DNAJC5: variants seen among roughly 807,000 people sequenced by gnomAD.
The protein encoded by DNAJC5 is DnaJ heat shock protein family (Hsp40) member C5, also known as dnaJ homolog subfamily C member 5.
A neutral mutation model predicts 23.2 loss-of-function variants in DNAJC5; 1 was observed. That is an observed-to-expected ratio of 0.04 (90% CI 0.02 to 0.20). The LOEUF (loss-of-function observed/expected upper bound fraction) is 0.20, where lower values mean the gene tolerates loss of function less well. DNAJC5 is among the 10% of genes least tolerant of loss of function. The pLI, the probability that DNAJC5 is intolerant of heterozygous loss-of-function variation, is 1.00. For missense variants in DNAJC5, 180 were observed against 267.0 expected (o/e 0.67, Z 2.27); for synonymous variants, 136 against 120.0 (o/e 1.13, Z -0.87).
At position 63,920,432 on chromosome 20, in the gene DNAJC5, GC is replaced by G. The variant is rs35455233; in HGVS notation, c.-11-7901del. On this transcript the variant is annotated intron_variant, in intron 1 of 4. Transcript: ENST00000360864. This position sits in a 1 kb window ranked among gnomAD's most constrained non-coding sequence, Gnocchi z 4.6. Reference sequence around the variant, plus strand: ...CCGCCAACGTCTGGTGGGGATGCCCGCCATGCGGGGGCCTCAGGCTACAGCC... The same window carrying G: ...CCGCCAACGTCTGGTGGGGATGCCCGCATGCGGGGGCCTCAGGCTACAGCC... 0.29 allele frequency among the ~76,000 whole-genome samples: 43,929 copies of G among 152,096 alleles called. 7,853 individuals are homozygous for G. The highest frequency in any genetic ancestry group is 0.58 in the East Asian group (2,975 of 5,142).
chr20:63,898,646 A>G (rs2053389603), intron 1 of DNAJC5, among the ~76,000 whole-genome samples: 1 of 152,148 alleles, frequency 6.6e-6, no homozygotes, highest in Non-Finnish European at 1.5e-5. Flanking sequence ...GATCGAGACC[A>G]TCCTGGCCAA....
chr20:63,901,421 A>G (rs140772383), intron 1 of DNAJC5, among the ~76,000 whole-genome samples: 3 of 152,032 alleles, frequency 2.0e-5, no homozygotes, highest in Non-Finnish European at 4.4e-5. Flanking sequence ...CTGTGCCTCT[A>G]TTTTTTCACC....
rs11554629 is a variant in DNAJC5 at position 63,932,674 on chromosome 20, T to G, written c.*1106T>G. ...ATCGATGATTCAGGCAGAGCCAGAT[T>G]CGTTAGGTCCCTGGAGGAAGGACTG... On this transcript the variant is annotated 3_prime_UTR_variant, in exon 5 of 5. Coordinates refer to ENST00000360864, the MANE Select transcript of DNAJC5 (RefSeq NM_025219.3). This position sits in a 1 kb window ranked among gnomAD's most constrained non-coding sequence, Gnocchi z 4.4. The G allele has an allele frequency of 0.083, 12,632 of 152,392 alleles. 564 individuals are homozygous for G. The highest frequency in any genetic ancestry group is 0.13 in the East Asian group (698 of 5,266). 9.4% of individuals were successfully genotyped at this position (152,392 alleles called of 1,614,324 possible).
At chr20:63,927,873 T>G (rs969688941) in intron 1 of DNAJC5, among the ~76,000 whole-genome samples, 4 of 152,254 alleles carry the variant, frequency 2.6e-5, no homozygotes, top group Non-Finnish European at 5.9e-5. Flanking sequence ...AGCTTATACC[T>G]CTTTGCATTT....
intron 1 of DNAJC5, among the ~76,000 whole-genome samples, chr20:63,912,032 C>G (rs1204886129): frequency 6.6e-6 from 1 of 152,042 alleles, no homozygotes; most frequent in Non-Finnish European, 1.5e-5. Context: ...GCCTAGCACA[C>G]TGGCTCATAT....
intron 1 of DNAJC5, chr20:63,908,991 G>C (rs2053464558): frequency 6.6e-6 from 1 of 151,922 alleles, no homozygotes; most frequent in African/African-American, 2.4e-5. Flanking sequence ...TGATCGCGAA[G>C]GTGGTTTTCC....
chr20:63,929,542 T>C lies in DNAJC5; in HGVS notation c.321+17T>C, dbSNP rs1187447472. The C allele has an allele frequency of 6.2e-7, 1 of 1,612,132 alleles. No homozygotes were observed. The highest frequency in any genetic ancestry group is 2.2e-5 in the East Asian group (1 of 44,822). The stretch of plus-strand genomic sequence containing the variant: ...TGGGCCAAGGTGAGGGCGAGCTGCC[T>C]GCCGTGCGGGCACCCGAGTCACTCC... On this transcript the variant is annotated intron_variant, in intron 3 of 4. Coordinates refer to ENST00000360864, the MANE Select transcript of DNAJC5 (RefSeq NM_025219.3). This position sits in a 1 kb window ranked among gnomAD's most constrained non-coding sequence, Gnocchi z 8.6.
chr20:63,918,208 G>A (rs541155552), intron 1 of DNAJC5, among the ~76,000 whole-genome samples: 1 of 152,110 alleles, frequency 6.6e-6, no homozygotes, highest in African/African-American at 2.4e-5. Context: ...CGAATCTTAG[G>A]AACGTAGGCG....
At chr20:63,901,540 G>C (rs146013469) in intron 1 of DNAJC5, among the ~76,000 whole-genome samples, 1 of 152,336 alleles carries the variant, frequency 6.6e-6, no homozygotes, top group Non-Finnish European at 1.5e-5. Context: ...GGCTGCGTCC[G>C]CGCGCTCCAC....
chr20:63,905,725 C>G (rs1026774453), intron 1 of DNAJC5, among the ~76,000 whole-genome samples: 10 of 146,070 alleles, frequency 6.8e-5, no homozygotes, highest in Admixed American at 2.1e-4. Context: ...GCGTGCCACC[C>G]TGCCCAGCTA....
intron 1 of DNAJC5, among the ~76,000 whole-genome samples, chr20:63,909,468 A>ACTG (rs1366909709): frequency 1.3e-5 from 2 of 152,204 alleles, no homozygotes; most frequent in Non-Finnish European, 2.9e-5. Context: ...GCGCCACTGC[A>ACTG]CTGCAGCCTG....
rs772397861 is a variant in DNAJC5, at chr20:63,929,465, C to A, written c.261C>A (p.Ala87=). The A allele has an allele frequency of 6.2e-7, 1 of 1,614,126 alleles. No homozygotes were observed. The highest frequency in any genetic ancestry group is 8.5e-7 in the Non-Finnish European group (1 of 1,180,026). Residue 87 remains alanine, a synonymous_variant, in exon 3 of 5, where the codon GCC becomes GCA. Coordinates refer to ENST00000360864, the MANE Select transcript of DNAJC5 (RefSeq NM_025219.3). This position sits in a 1 kb window ranked among gnomAD's most constrained non-coding sequence, Gnocchi z 8.6. ...ACGGCTCGCTGGGTCTCTACGTGGC[C>A]GAGCAGTTTGGGGAAGAGAACGTGA... ...DKYGSLGLYV[A]EQFGEENVNT...
intron 1 of DNAJC5, among the ~76,000 whole-genome samples, chr20:63,927,323 G>A (rs953608568): frequency 6.6e-6 from 1 of 152,194 alleles, no homozygotes; most frequent in Non-Finnish European, 1.5e-5. Context: ...TCAGCCTGAG[G>A]TCGGGAATTC....
In DNAJC5 at chr20:63,918,898, T is replaced by C. The variant is rs946721613; in HGVS notation, c.-11-9437T>C. 1.1e-4 allele frequency among the ~76,000 whole-genome samples: 17 copies of C among 152,362 alleles called. No individual in the cohort carries two copies. The East Asian group carries it at 1.2e-3, about 10-fold the overall frequency. On this transcript the variant is annotated intron_variant, in intron 1 of 4. Coordinates refer to ENST00000360864, the MANE Select transcript of DNAJC5 (RefSeq NM_025219.3). Reference sequence around the variant, plus strand: ...CGTGAGCCACCACGCCCGGCTGATATGTTCCATATATTTCTTTCTGTATTT... The same window carrying C: ...CGTGAGCCACCACGCCCGGCTGATACGTTCCATATATTTCTTTCTGTATTT...
chr20:63,918,428 T>A (rs6011226), intron 1 of DNAJC5, among the ~76,000 whole-genome samples: 52,326 of 152,014 alleles, frequency 0.34, 10,746 homozygotes, highest in East Asian at 0.81. Flanking sequence ...TTAAAACTAA[T>A]TAGCGTTTAG....
At position 63,935,958 on chromosome 20, in the gene DNAJC5, C is replaced by T. The variant is rs368872154; in HGVS notation, c.*4390C>T. 5 of 152,146 alleles carry T rather than the reference C, an allele frequency of 3.3e-5. No individual in the cohort carries two copies. The highest frequency in any genetic ancestry group is 7.3e-5 in the Non-Finnish European group (5 of 68,034). 9.4% of individuals were successfully genotyped at this position (152,146 alleles called of 1,614,324 possible). A position where few individuals can be genotyped will look rare whatever the true frequency, so the allele number is the denominator to read the frequency against. ...CAGGCTGGTTCCGCATGGTGATCTC[C>T]GTCTTGTATGTCTGAATGTTGGCCT... On this transcript the variant is annotated 3_prime_UTR_variant, in exon 5 of 5. Coordinates refer to ENST00000360864, the MANE Select transcript of DNAJC5 (RefSeq NM_025219.3).
chr20:63,903,515 G>A (rs2053427987), intron 1 of DNAJC5, among the ~76,000 whole-genome samples: 1 of 152,056 alleles, frequency 6.6e-6, no homozygotes, highest in South Asian at 2.1e-4. Flanking sequence ...CACCATGTTG[G>A]CCAGGATGAT....
intron 1 of DNAJC5, among the ~76,000 whole-genome samples, chr20:63,897,142 C>T (rs1303289125): frequency 6.6e-6 from 1 of 152,240 alleles, no homozygotes; most frequent in African/African-American, 2.4e-5. Context: ...TGCCTGTAAT[C>T]TCAGCACTTT....
intron 1 of DNAJC5, among the ~76,000 whole-genome samples, chr20:63,908,223 G>T (rs1568977293): frequency 6.6e-6 from 1 of 152,226 alleles, no homozygotes; most frequent in Non-Finnish European, 1.5e-5. Flanking sequence ...ACAGCCCCAC[G>T]CATGGGAGGT....
Sources: gnomAD v4.1 joint callset for allele counts (sites outside exome capture counted in the v4.1 genomes callset) on GRCh38, gnomAD v4.1.1 for gene constraint, Gnocchi (gnomAD v3.1) non-coding constraint, MANE v1.5 for transcripts, NCBI Gene and HGNC (gene_info 2026-07-23, HGNC 2026-07-21) for gene names.